The following PPP2R5C variants were observed in gnomAD, a reference collection of about 807,000 sequenced individuals.
PPP2R5C encodes protein phosphatase 2 regulatory subunit B'gamma.
A neutral mutation model predicts 68.9 loss-of-function variants in PPP2R5C; 7 were observed. The observed-to-expected ratio is 0.10, with a 90% CI of 0.06 to 0.19. PPP2R5C has a LOEUF of 0.19. Ranked by LOEUF, PPP2R5C falls within the 10% of genes least tolerant of loss-of-function variation. The pLI is 1.00. For synonymous variants in PPP2R5C, 210 were observed against 222.2 expected (o/e 0.95, Z 0.49); for missense variants, 348 against 641.3 (o/e 0.54, Z 4.94).
At chr14:101,909,424 G>A (rs1295844491) in intron 10 of PPP2R5C, among the ~76,000 whole-genome samples, 165 bp from the exon 13 acceptor site, 6 of 152,162 alleles carry the variant, frequency 3.9e-5, no homozygotes, top group Non-Finnish European at 8.8e-5. Flanking sequence ...CGGGATGTGT[G>A]GCTGTCAGAA....
chr14:101,901,671 T>C (rs1279935579), intron 8 of PPP2R5C, 48 bp from the exon 11 acceptor site: 1 of 1,586,914 alleles, frequency 6.3e-7, no homozygotes, highest in African/African-American at 1.3e-5. Flanking sequence ...CATGCAGGTG[T>C]TGGGGCCTCG....
chr14:101,844,667 A>G (rs1421647095), intron 1 of PPP2R5C, among the ~76,000 whole-genome samples: 2 of 152,222 alleles, frequency 1.3e-5, no homozygotes, highest in African/African-American at 4.8e-5. Context: ...AAGGGCCTGG[A>G]AAAGTGTGTG....
At position 101,906,761 on chromosome 14, in the gene PPP2R5C, A is replaced by T; in HGVS notation, c.1151+232A>T. On this transcript the variant is annotated intron_variant, in intron 10 of 13. Coordinates refer to ENST00000334743, the Ensembl canonical transcript of PPP2R5C. The surrounding 1 kb of genome is among the most constrained non-coding windows in gnomAD (Gnocchi z 4.0). ...TATAGAGGCACATTGGTTTGCAGCCACCTCCCAGTAGCAGCAGTTTCTAGG... is the reference window on the plus strand; with the variant it reads ...TATAGAGGCACATTGGTTTGCAGCCTCCTCCCAGTAGCAGCAGTTTCTAGG... 1 of 476,362 alleles carries T rather than the reference A, an allele frequency of 2.1e-6. No homozygotes were observed. The highest frequency in any genetic ancestry group is 3.6e-6 in the Non-Finnish European group (1 of 274,918). 29.5% of individuals were successfully genotyped at this position (476,362 alleles called of 1,614,324 possible). A position where few individuals can be genotyped will look rare whatever the true frequency, so the allele number is the denominator to read the frequency against.
Position 101,765,113 on chromosome 14 carries a change from C to G in PPP2R5C, c.93+2143C>G, listed in dbSNP as rs1042421603. 3.1e-5 allele frequency: 22 copies of G among 702,044 alleles called. No homozygotes were observed. In the African/African-American group the frequency reaches 3.7e-4, roughly 12 times the overall value. 43.5% of individuals were successfully genotyped at this position (702,044 alleles called of 1,614,324 possible). A position where few individuals can be genotyped will look rare whatever the true frequency, so the allele number is the denominator to read the frequency against. ...AGACCTGCGGTGTGGCCTGCAGTGC[C>G]TGAGTATGATGCCCCACTTGTCTTT... On this transcript the variant is annotated intron_variant, in intron 2 of 14. Coordinates refer to the PPP2R5C transcript ENST00000328724.
In PPP2R5C at chr14:101,797,214, C is replaced by A. The variant is rs1003244706; in HGVS notation, c.259+11031C>A. ...CCCTAAACATAATATCTTCCAGGTC[C>A]CCCCACATTGTAGCACGTGCCAGAC... is the stretch of plus-strand genomic sequence containing the variant. On this transcript the variant is annotated intron_variant, in intron 3 of 14. Transcript: ENST00000328724. The surrounding 1 kb of genome is among the most constrained non-coding windows in gnomAD (Gnocchi z 4.2). The A allele has an allele frequency of 2.2e-6, 1 of 456,004 alleles. No individual in the cohort carries two copies. Among genetic ancestry groups the A allele is most frequent in the East Asian group, 7.0e-5 (1 of 14,386 alleles). 28.2% of individuals were successfully genotyped at this position (456,004 alleles called of 1,614,324 possible).
upstream of PPP2R5C, chr14:101,760,581 C>A (rs2036443572): frequency 1.8e-6 from 1 of 549,460 alleles, no homozygotes; most frequent in Non-Finnish European, 2.1e-6. Context: ...GCAAAAGCTG[C>A]GGAGGGCGGG....
chr14:101,818,910 C>T, intron 1 of PPP2R5C: 2 of 1,102,454 alleles, frequency 1.8e-6, no homozygotes, highest in Non-Finnish European at 1.3e-6. Context: ...TTTTTGTCTG[C>T]TGGTTGTGTT....
intron 1 of PPP2R5C, among the ~76,000 whole-genome samples, chr14:101,832,065 A>C (rs897890414): frequency 6.6e-6 from 1 of 152,272 alleles, no homozygotes; most frequent in African/African-American, 2.4e-5. Flanking sequence ...GCTGAGAGCA[A>C]GTGGTCTGTA....
At chr14:101,775,376 A>T (rs759847382) in intron 2 of PPP2R5C, among the ~76,000 whole-genome samples, 2 of 152,212 alleles carry the variant, frequency 1.3e-5, no homozygotes, top group Admixed American at 6.5e-5. Context: ...TGTTTCCATG[A>T]AATATTTCAA....
rs1385002371 is a variant in PPP2R5C, at chr14:101,797,077, C to G, written c.259+10894C>G. 1 of 445,606 alleles carries G rather than the reference C, an allele frequency of 2.2e-6. No individual in the cohort carries two copies. Among genetic ancestry groups the G allele is most frequent in the Non-Finnish European group, 4.5e-6 (1 of 220,192 alleles). 27.6% of individuals were successfully genotyped at this position (445,606 alleles called of 1,614,324 possible). On this transcript the variant is annotated intron_variant, in intron 3 of 14. Transcript: ENST00000328724. The surrounding 1 kb of genome is among the most constrained non-coding windows in gnomAD (Gnocchi z 4.2). The stretch of plus-strand genomic sequence containing the variant: ...CATCCCCAACAAAAACTCCATTAAA[C>G]AGTAAGTGGCTGTCTCCCCATTCTG...
chr14:101,772,118 G>C (rs2037180856), intron 2 of PPP2R5C, among the ~76,000 whole-genome samples: 1 of 152,098 alleles, frequency 6.6e-6, no homozygotes, highest in Admixed American at 6.5e-5. Flanking sequence ...ATTCTTATGG[G>C]AGTGTATTTA....
At chr14:101,922,376 C>T (rs1189704116) in intron 13 of PPP2R5C, among the ~76,000 whole-genome samples, 1 of 152,170 alleles carries the variant, frequency 6.6e-6, no homozygotes, top group African/African-American at 2.4e-5. Flanking sequence ...GTAATCCCAG[C>T]TACTTGGGAG....
At chr14:101,788,637 A>C (rs1370889257) in intron 3 of PPP2R5C, among the ~76,000 whole-genome samples, 1 of 152,192 alleles carries the variant, frequency 6.6e-6, no homozygotes. Flanking sequence ...TAAATTCTCC[A>C]TAGTAAATCC....
chr14:101,862,900 G>C (rs2042836368), intron 2 of PPP2R5C, among the ~76,000 whole-genome samples: 1 of 148,290 alleles, frequency 6.7e-6, no homozygotes, highest in African/African-American at 2.5e-5. Flanking sequence ...ACTCACTGCA[G>C]ACTCAAACTC....
chr14:101,790,544 T>C (rs2038311053), intron 3 of PPP2R5C, among the ~76,000 whole-genome samples: 1 of 152,224 alleles, frequency 6.6e-6, no homozygotes, highest in African/African-American at 2.4e-5. Flanking sequence ...CTGTAAGGTT[T>C]TTGAGGTTCA....
upstream of PPP2R5C, among the ~76,000 whole-genome samples, chr14:101,807,170 G>A (rs1397021451): frequency 1.4e-5 from 2 of 142,948 alleles, no homozygotes; most frequent in Non-Finnish European, 3.0e-5. Context: ...CTGGTATGAT[G>A]TTAAGACTTA....
At chr14:101,800,665 A>T (rs368212469) in intron 3 of PPP2R5C, among the ~76,000 whole-genome samples, 1 of 150,374 alleles carries the variant, frequency 6.7e-6, no homozygotes, top group African/African-American at 2.4e-5. Flanking sequence ...AAAAAAAAAA[A>T]GGGAAATTTT....
intron 5 of PPP2R5C, 31 bp downstream of exon 7, chr14:101,883,593 T>A (rs749388063): frequency 6.2e-7 from 1 of 1,606,652 alleles, no homozygotes; most frequent in South Asian, 1.1e-5. Context: ...GTTGTCCTTG[T>A]GTGTGGTGAT....
intron 2 of PPP2R5C, among the ~76,000 whole-genome samples, chr14:101,869,909 A>G (rs1166180356): frequency 2.0e-5 from 3 of 152,106 alleles, no homozygotes; most frequent in Non-Finnish European, 4.4e-5. Flanking sequence ...GCCTCAGCCT[A>G]TGAAGGTGCT....
Sources: allele counts gnomAD v4.1 joint callset (sites outside exome capture counted in the v4.1 genomes callset), GRCh38; gene constraint gnomAD v4.1.1; non-coding constraint Gnocchi (gnomAD v3.1); transcripts MANE v1.5; gene names NCBI Gene and HGNC (gene_info 2026-07-23, HGNC 2026-07-21).